The following COL21A1 variants were observed in gnomAD, a reference collection of about 807,000 sequenced individuals.
COL21A1 encodes the protein collagen alpha-1(XXI) chain.
COL21A1 carries 149 observed loss-of-function variants against 137.9 expected under a neutral mutation model. That is an observed-to-expected ratio of 1.08 (90% confidence interval 0.95 to 1.24). The LOEUF is 1.24. Ranked by LOEUF, COL21A1 falls within the 50% of genes most tolerant of loss-of-function variation. The probability of loss-of-function intolerance (pLI) is 0.00; values close to 1 mark genes in which losing one functional copy is unlikely to be tolerated. For synonymous variants in COL21A1, 456 were observed against 391.5 expected (o/e 1.16, Z -1.95); for missense variants, 1,167 against 1,158.4 (o/e 1.01, Z -0.11).
At chr6:56,260,848 C>CTGTGTGTGTGTGTGTGTG (rs70986790) in intron 1 of COL21A1, among the ~76,000 whole-genome samples, 4,925 of 135,042 alleles carry the variant, frequency 0.036, 185 homozygotes, top group African/African-American at 0.08. Flanking sequence ...CTTTAATTCA[C>CTGTGTGTGTGTGTGTGTG]TGTGTGTGTG....
chr6:56,159,634 CTTT>C (rs11449474), intron 9 of COL21A1, among the ~76,000 whole-genome samples: 1 of 123,546 alleles, frequency 8.1e-6, no homozygotes, highest in Non-Finnish European at 1.7e-5. Context: ...CCTGGCCTTA[CTTT>C]TTTTTTTTTT....
intron 10 of COL21A1, among the ~76,000 whole-genome samples, chr6:56,142,807 C>T (rs950332576): frequency 1.1e-4 from 17 of 152,164 alleles, no homozygotes; most frequent in Non-Finnish European, 7.4e-5. Flanking sequence ...ATTCAGACTC[C>T]ATTTTTCTTA....
At chr6:56,061,545 G>T in intron 25 of COL21A1, 104 bp downstream of exon 25, 1 of 615,192 alleles carries the variant, frequency 1.6e-6, no homozygotes, top group Non-Finnish European at 2.7e-6. Flanking sequence ...AAAACATTTC[G>T]TTTTCTGGTT....
At position 56,343,520 on chromosome 6, in the gene COL21A1, G is replaced by T. The variant is rs543224916; in HGVS notation, c.-39+50451C>A. Among the ~76,000 whole-genome samples, 4 of 152,254 alleles carry T rather than the reference G, an allele frequency of 2.6e-5. No homozygotes were observed. The South Asian group carries it at 6.2e-4, about 24-fold the overall frequency. On this transcript the variant is annotated intron_variant, in intron 1 of 28. Transcript: ENST00000370819. ...TTTCGACCACATGTGGCTCTTTCTTGCTGGGTGAATGACTATCTGTTTTTG... is the reference window on the plus strand; with the variant it reads ...TTTCGACCACATGTGGCTCTTTCTTTCTGGGTGAATGACTATCTGTTTTTG...
chr6:56,216,387 C>G (rs16887672), intron 1 of COL21A1, among the ~76,000 whole-genome samples: 1 of 151,976 alleles, frequency 6.6e-6, no homozygotes, highest in Non-Finnish European at 1.5e-5. Flanking sequence ...AAAGTTGATA[C>G]AACCAAATAT....
At chr6:56,132,608 C>T (rs1408274117) in intron 12 of COL21A1, among the ~76,000 whole-genome samples, 1 of 152,078 alleles carries the variant, frequency 6.6e-6, no homozygotes, top group Admixed American at 6.5e-5. Context: ...TCCATGAATA[C>T]TATGGCAACT....
intron 1 of COL21A1, among the ~76,000 whole-genome samples, chr6:56,382,020 A>T (rs1209145478): frequency 1.3e-5 from 2 of 152,236 alleles, no homozygotes; most frequent in African/African-American, 2.4e-5. Flanking sequence ...TCCTGATGAC[A>T]TGGATACTAA....
chr6:56,109,075 AG>A (rs1420674138), intron 16 of COL21A1, among the ~76,000 whole-genome samples: 3 of 151,844 alleles, frequency 2.0e-5, no homozygotes, highest in African/African-American at 7.2e-5. Flanking sequence ...ACTCAAACAA[AG>A]ATGAGAAAAA....
chr6:56,097,843 AT>A, intron 17 of COL21A1, among the ~76,000 whole-genome samples: 1 of 48,842 alleles, frequency 2.0e-5, no homozygotes, highest in Non-Finnish European at 3.6e-5. Flanking sequence ...ATATAAATAT[AT>A]AAATATATAT....
intron 1 of COL21A1, among the ~76,000 whole-genome samples, chr6:56,385,327 G>T (rs1647682001): frequency 6.6e-6 from 1 of 152,168 alleles, no homozygotes; most frequent in African/African-American, 2.4e-5. Flanking sequence ...TCTGAAACAG[G>T]TCTCACTAGC....
intron 19 of COL21A1, among the ~76,000 whole-genome samples, chr6:56,074,725 C>A (rs1276760322): frequency 6.6e-6 from 1 of 151,242 alleles, no homozygotes; most frequent in African/African-American, 2.4e-5. Context: ...TCTGGATAAT[C>A]TTTCTTCAGG....
intron 3 of COL21A1, among the ~76,000 whole-genome samples, chr6:56,179,196 G>A (rs13209836): frequency 0.64 from 96,836 of 151,686 alleles, 31,194 homozygotes; most frequent in East Asian, 0.86. Flanking sequence ...AAACTAGAAT[G>A]TAAAGTACAG....
At chr6:56,280,520 C>T (rs1202787927) in intron 1 of COL21A1, among the ~76,000 whole-genome samples, 2 of 152,148 alleles carry the variant, frequency 1.3e-5, no homozygotes, top group Non-Finnish European at 2.9e-5. Context: ...GAGGGGCTCA[C>T]CTGTCTTTAT....
intron 1 of COL21A1, among the ~76,000 whole-genome samples, chr6:56,364,332 A>G (rs9475686): frequency 0.073 from 11,121 of 152,244 alleles, 630 homozygotes; most frequent in African/African-American, 0.15. Flanking sequence ...AAAACCCTCA[A>G]TGATTCCTCT....
intron 1 of COL21A1, among the ~76,000 whole-genome samples, chr6:56,312,521 A>T (rs986632540): frequency 6.6e-6 from 1 of 152,168 alleles, no homozygotes; most frequent in African/African-American, 2.4e-5. Flanking sequence ...TCAGATACTT[A>T]AGTTGTTTGG....
intron 16 of COL21A1, among the ~76,000 whole-genome samples, chr6:56,109,262 G>GA (rs1379994989): frequency 5.3e-5 from 8 of 151,440 alleles, no homozygotes; most frequent in Admixed American, 2.0e-4. Context: ...TTGGATCTTT[G>GA]AAAAAATCCA....
At chr6:56,264,956 A>T (rs895119463) in intron 1 of COL21A1, among the ~76,000 whole-genome samples, 2 of 152,158 alleles carry the variant, frequency 1.3e-5, no homozygotes, top group Non-Finnish European at 1.5e-5. Context: ...AATAGCAAAA[A>T]GAAGGTGCCT....
At chr6:56,298,164 G>T (rs903006481) in intron 1 of COL21A1, among the ~76,000 whole-genome samples, 1 of 151,876 alleles carries the variant, frequency 6.6e-6, no homozygotes, top group Admixed American at 6.6e-5. Context: ...AGATTGGAAG[G>T]CGCCAAGTCC....
intron 9 of COL21A1, among the ~76,000 whole-genome samples, chr6:56,157,603 T>C (rs1305795321): frequency 1.3e-5 from 2 of 152,160 alleles, no homozygotes; most frequent in African/African-American, 4.8e-5. Flanking sequence ...ACCCAGCCTA[T>C]AGACTTAATT....
Sources: allele counts gnomAD v4.1 joint callset (sites outside exome capture counted in the v4.1 genomes callset), GRCh38; gene constraint gnomAD v4.1.1; transcripts MANE v1.5; gene names NCBI Gene and HGNC (gene_info 2026-07-23, HGNC 2026-07-21).